Variants in PTPRD observed in about 807,000 individuals in gnomAD.
PTPRD encodes receptor-type tyrosine-protein phosphatase delta.
Under a neutral mutation model 214.5 loss-of-function variants are expected in PTPRD, and 34 were observed. The ratio of observed to expected loss-of-function variants is 0.16; its 90% CI spans 0.12 to 0.21. The LOEUF (loss-of-function observed/expected upper bound fraction) is 0.21. Ranked by LOEUF, PTPRD falls within the 10% of genes least tolerant of loss-of-function variation. The pLI is 1.00. For missense variants in PTPRD, 2,545 were observed against 2,398.7 expected (o/e 1.06, Z -1.27); for synonymous variants, 1,128 against 845.7 (o/e 1.33, Z -5.79).
intron 11 of PTPRD, among the ~76,000 whole-genome samples, chr9:8,792,479 G>A (rs890606263): frequency 4.6e-5 from 7 of 152,232 alleles, no homozygotes; most frequent in African/African-American, 1.4e-4. Flanking sequence ...TTATAATGGA[G>A]GTGAGCATTC....
intron 5 of PTPRD, among the ~76,000 whole-genome samples, chr9:9,791,910 C>T (rs910665521): frequency 2.8e-4 from 43 of 152,180 alleles, no homozygotes; most frequent in African/African-American, 1.0e-3. Flanking sequence ...TAAAATGCAT[C>T]TTGATGTACC....
intron 4 of PTPRD, among the ~76,000 whole-genome samples, chr9:10,011,614 T>A (rs2096601494): frequency 6.6e-6 from 1 of 151,964 alleles, no homozygotes; most frequent in Non-Finnish European, 1.5e-5. Context: ...AGATAATATT[T>A]GTGTTTTTGG....
chr9:8,348,116 G>C lies in PTPRD; in HGVS notation c.4662-6138C>G, dbSNP rs145182194. 4.9e-3 allele frequency among the ~76,000 whole-genome samples: 747 copies of C among 152,250 alleles called. 5 individuals are homozygous for C. Among genetic ancestry groups the C allele is most frequent in the Non-Finnish European group, 8.0e-3 (541 of 68,008 alleles). Reference sequence around the variant, plus strand: ...ACAGAAAGCCATCGGCTGAAAGGCAGTGAGGGAAAAAGAGGGCATGTTCCA... The same window carrying C: ...ACAGAAAGCCATCGGCTGAAAGGCACTGAGGGAAAAAGAGGGCATGTTCCA... On this transcript the variant is annotated intron_variant, in intron 39 of 45. Transcript: ENST00000381196.
At chr9:10,310,858 G>T (rs201666706) in intron 3 of PTPRD, among the ~76,000 whole-genome samples, 1 of 152,018 alleles carries the variant, frequency 6.6e-6, no homozygotes, top group Non-Finnish European at 1.5e-5. Flanking sequence ...TCATTAATAT[G>T]TTGTTACTCT....
At chr9:8,321,233 C>G (rs1031676499) in intron 44 of PTPRD, among the ~76,000 whole-genome samples, 2 of 151,470 alleles carry the variant, frequency 1.3e-5, no homozygotes, top group Non-Finnish European at 2.9e-5. Flanking sequence ...TCTAGGTACT[C>G]CAGAGTCTAT....
intron 11 of PTPRD, among the ~76,000 whole-genome samples, chr9:8,866,176 G>A (rs950578229): frequency 3.3e-5 from 5 of 152,122 alleles, no homozygotes; most frequent in Admixed American, 1.3e-4. Context: ...ACAAGTCTTG[G>A]AGAGATTTAA....
At chr9:8,910,488 G>C (rs1018198141) in intron 11 of PTPRD, among the ~76,000 whole-genome samples, 2 of 152,062 alleles carry the variant, frequency 1.3e-5, no homozygotes, top group East Asian at 1.9e-4. Flanking sequence ...ATGTGGAACT[G>C]GTGGCTTTAC....
chr9:10,349,355 C>T (rs951752974), intron 2 of PTPRD, among the ~76,000 whole-genome samples: 2 of 152,096 alleles, frequency 1.3e-5, no homozygotes, highest in African/African-American at 4.8e-5. Context: ...CAAACACGCA[C>T]ACAAACACAC....
At chr9:10,594,272 T>G (rs1229887644) in intron 2 of PTPRD, among the ~76,000 whole-genome samples, 2 of 152,004 alleles carry the variant, frequency 1.3e-5, no homozygotes, top group African/African-American at 2.4e-5. Flanking sequence ...GAAATTATAT[T>G]GCACATGTCT....
At chr9:8,811,822 C>T (rs2096812021) in intron 11 of PTPRD, among the ~76,000 whole-genome samples, 1 of 152,166 alleles carries the variant, frequency 6.6e-6, no homozygotes, top group Non-Finnish European at 1.5e-5. Flanking sequence ...TAGAAATTCA[C>T]CTTGTTTCCT....
intron 3 of PTPRD, among the ~76,000 whole-genome samples, chr9:10,199,666 A>T (rs1162123915): frequency 6.6e-6 from 1 of 152,050 alleles, no homozygotes; most frequent in Non-Finnish European, 1.5e-5. Context: ...ATTACTTAAG[A>T]ATAGATACCA....
chr9:9,181,843 A>C (rs1305469034), intron 10 of PTPRD, among the ~76,000 whole-genome samples: 1 of 152,068 alleles, frequency 6.6e-6, no homozygotes, highest in Non-Finnish European at 1.5e-5. Context: ...GAAAATAGGA[A>C]CATCACTTGT....
chr9:8,801,496 C>T (rs1337897013), intron 11 of PTPRD, among the ~76,000 whole-genome samples: 1 of 152,148 alleles, frequency 6.6e-6, no homozygotes, highest in African/African-American at 2.4e-5. Context: ...GCGGGCGGAC[C>T]ACCTGAGGTT....
chr9:9,835,329 T>A (rs185017689), intron 5 of PTPRD, among the ~76,000 whole-genome samples: 12 of 152,132 alleles, frequency 7.9e-5, no homozygotes, highest in Middle Eastern at 3.4e-3. Flanking sequence ...AAACAGTACA[T>A]TTAGTTATAT....
chr9:8,904,608 G>GGAGC (rs2098694796), intron 11 of PTPRD, among the ~76,000 whole-genome samples: 1 of 149,650 alleles, frequency 6.7e-6, no homozygotes. Flanking sequence ...GGAGGCAAAA[G>GGAGC]TTGCAGTGAG....
At position 9,466,256 on chromosome 9, in the gene PTPRD, C is replaced by T. The variant is rs572014673; in HGVS notation, c.-236-68774G>A. Among the ~76,000 whole-genome samples the T allele has an allele frequency of 8.5e-5, 13 of 152,232 alleles. 2 individuals are homozygous for T. In the South Asian group the frequency reaches 2.5e-3, roughly 29 times the overall value. On this transcript the variant is annotated intron_variant, in intron 8 of 45. Transcript: ENST00000381196. ...CCTAGGAGGTTGAGGCTGCAGTGAG[C>T]TGTGATTGTGTCACTCTACTTCAGA...
intron 14 of PTPRD, among the ~76,000 whole-genome samples, chr9:8,606,990 C>T (rs970459179): frequency 6.6e-6 from 1 of 152,124 alleles, no homozygotes; most frequent in Non-Finnish European, 1.5e-5. Context: ...GGGGCTGGAG[C>T]AGACACATAA....
intron 8 of PTPRD, among the ~76,000 whole-genome samples, chr9:9,560,800 C>T (rs781698649): frequency 5.3e-5 from 8 of 152,152 alleles, no homozygotes; most frequent in Non-Finnish European, 1.0e-4. Flanking sequence ...TCATTAGCAG[C>T]TTACTTTCAC....
intron 3 of PTPRD, among the ~76,000 whole-genome samples, chr9:10,194,345 TAGAGAG>T (rs1182799154): frequency 5.3e-3 from 209 of 39,558 alleles, no homozygotes; most frequent in Middle Eastern, 0.015. Context: ...TATATATATA[TAGAGAG>T]AGAGAGAGAG....
Sources: gnomAD v4.1 joint callset for allele counts (sites outside exome capture counted in the v4.1 genomes callset) on GRCh38, gnomAD v4.1.1 for gene constraint, MANE v1.5 for transcripts, NCBI Gene and HGNC (gene_info 2026-07-23, HGNC 2026-07-21) for gene names.